The following PLCG2 variants were observed in gnomAD, a reference collection of about 807,000 sequenced individuals.
The protein encoded by PLCG2 is phospholipase C gamma 2.
Under a neutral mutation model 175.6 loss-of-function variants are expected in PLCG2, and 69 were observed. That is an observed-to-expected ratio of 0.39 (90% CI 0.32 to 0.48). PLCG2 has a LOEUF of 0.48. Ranked by LOEUF, PLCG2 falls within the 20% of genes least tolerant of loss-of-function variation. PLCG2 has a pLI of 0.91. For missense variants in PLCG2, 1,798 were observed against 1,650.9 expected (o/e 1.09, Z -1.54); for synonymous variants, 827 against 624.0 (o/e 1.33, Z -4.85).
At chr16:81,889,938 A>G (rs1324257894) in intron 10 of PLCG2, among the ~76,000 whole-genome samples, 1 of 151,982 alleles carries the variant, frequency 6.6e-6, no homozygotes. Context: ...TATAGGTGTG[A>G]GCCACCGCAC....
intron 25 of PLCG2, among the ~76,000 whole-genome samples, chr16:81,931,959 T>C (rs1330812292): frequency 6.6e-6 from 1 of 152,228 alleles, no homozygotes; most frequent in African/African-American, 2.4e-5. Flanking sequence ...AGGAAGTTAC[T>C]GCCTTCCTCA....
upstream of PLCG2, among the ~76,000 whole-genome samples, chr16:81,778,526 G>C (rs971274235): frequency 6.6e-6 from 1 of 152,146 alleles, no homozygotes; most frequent in African/African-American, 2.4e-5. Flanking sequence ...TGCAACACAC[G>C]AACGGAAAAA....
intron 2 of PLCG2, among the ~76,000 whole-genome samples, chr16:81,769,812 T>C (rs1910236708): frequency 1.1e-5 from 1 of 93,112 alleles, no homozygotes; most frequent in African/African-American, 4.6e-5. Flanking sequence ...AGAGCGAGAC[T>C]CCGTCTCAAA....
At chr16:81,893,826 T>C (rs765787186) in intron 12 of PLCG2, 32 bp downstream of exon 12, 1 of 1,393,726 alleles carries the variant, frequency 7.2e-7, no homozygotes, top group Non-Finnish European at 1.0e-6. Context: ...GAGGTCAGGC[T>C]CGCAGCAAAT....
chr16:81,812,166 C>A (rs1453004052), intron 2 of PLCG2, among the ~76,000 whole-genome samples: 2 of 149,998 alleles, frequency 1.3e-5, no homozygotes, highest in Non-Finnish European at 3.0e-5. Flanking sequence ...TCTCCTGTCT[C>A]AGCCTCCTGA....
intron 2 of PLCG2, among the ~76,000 whole-genome samples, chr16:81,824,205 C>T (rs1221996138): frequency 6.6e-6 from 1 of 151,316 alleles, no homozygotes; most frequent in African/African-American, 2.4e-5. Flanking sequence ...GTGATCTCAG[C>T]TCACCGCAAC....
intron 31 of PLCG2, among the ~76,000 whole-genome samples, chr16:81,947,588 A>C (rs540382411): frequency 6.6e-6 from 1 of 152,354 alleles, no homozygotes; most frequent in Non-Finnish European, 1.5e-5. Flanking sequence ...TTTTCTGAGC[A>C]AATGATTGAT....
intron 2 of PLCG2, among the ~76,000 whole-genome samples, chr16:81,802,120 T>C (rs1262785463): frequency 1.1e-5 from 1 of 94,322 alleles, no homozygotes; most frequent in East Asian, 2.7e-4. Flanking sequence ...TTTTTTTTTT[T>C]TTTTTTTTTT....
At chr16:81,752,235 A>G (rs1255131753) in intron 1 of PLCG2, among the ~76,000 whole-genome samples, 2 of 151,960 alleles carry the variant, frequency 1.3e-5, no homozygotes, top group African/African-American at 4.8e-5. Context: ...GGCCCTCACA[A>G]TTCTAGGGTG....
chr16:81,801,799 G>C (rs1431102315), intron 2 of PLCG2, among the ~76,000 whole-genome samples: 7 of 151,896 alleles, frequency 4.6e-5, no homozygotes, highest in African/African-American at 7.3e-5. Flanking sequence ...TCTTGCTTCA[G>C]CTTCCCCAGT....
rs537089834 is a variant in PLCG2, at chr16:81,740,931, T to C, written c.-145+1546T>C. On this transcript the variant is annotated intron_variant, in intron 1 of 5. Transcript: ENST00000565054. ...CTTGCCTGCCAGGCAGAATCCTCCC[T>C]GGAATTCCCACAGATGTGAGACAGT... 1.2e-4 allele frequency among the ~76,000 whole-genome samples: 18 copies of C among 152,294 alleles called. No individual in the cohort carries two copies. In the Middle Eastern group the frequency reaches 0.017, roughly 144 times the overall value.
Position 81,780,954 on chromosome 16 carries a change from G to A in PLCG2, c.-48+1530G>A, listed in dbSNP as rs529804833. 2.6e-5 allele frequency among the ~76,000 whole-genome samples: 4 copies of A among 152,308 alleles called. No homozygotes were observed. In the South Asian group the frequency reaches 6.2e-4, roughly 24 times the overall value. On this transcript the variant is annotated intron_variant, in intron 1 of 32. Coordinates refer to ENST00000564138, the MANE Select transcript of PLCG2 (RefSeq NM_002661.5). ...AGGCAGGAGAATCACTTGAACCCAGGAGGTGGAGGTTGCAGTGAACCCAGA... is the reference window on the plus strand; with the variant it reads ...AGGCAGGAGAATCACTTGAACCCAGAAGGTGGAGGTTGCAGTGAACCCAGA...
At chr16:81,889,504 A>G in intron 10 of PLCG2, 1 of 420,856 alleles carries the variant, frequency 2.4e-6, no homozygotes, top group Non-Finnish European at 4.3e-6. Flanking sequence ...CTGCCTAGAC[A>G]GAACCGATTG....
intron 2 of PLCG2, among the ~76,000 whole-genome samples, chr16:81,832,953 G>T (rs1452763738): frequency 6.6e-6 from 1 of 152,250 alleles, no homozygotes; most frequent in Admixed American, 6.5e-5. Flanking sequence ...TGTGTGCCCA[G>T]CTTGCTGCTG....
At chr16:81,812,972 A>G (rs936578568) in intron 2 of PLCG2, among the ~76,000 whole-genome samples, 2 of 152,192 alleles carry the variant, frequency 1.3e-5, no homozygotes, top group African/African-American at 4.8e-5. Context: ...TTTGTCAAAG[A>G]TCAGATGGTG....
chr16:81,861,199 T>A (rs1368585282), intron 5 of PLCG2, among the ~76,000 whole-genome samples: 1 of 152,214 alleles, frequency 6.6e-6, no homozygotes, highest in Admixed American at 6.5e-5. Flanking sequence ...CTTTCATTCA[T>A]TCTTGATTTA....
At chr16:81,858,185 C>T in intron 3 of PLCG2, 78 bp from the exon 4 acceptor site, 1 of 985,898 alleles carries the variant, frequency 1.0e-6, no homozygotes, top group Non-Finnish European at 1.6e-6. Flanking sequence ...TCTTCGTGAT[C>T]TGTATGGGGC....
At chr16:81,831,462 T>C (rs1905255525) in intron 2 of PLCG2, among the ~76,000 whole-genome samples, 1 of 152,198 alleles carries the variant, frequency 6.6e-6, no homozygotes, top group Non-Finnish European at 1.5e-5. Flanking sequence ...TCTCCTTAAA[T>C]CCTCATGTCA....
At chr16:81,831,955 C>T (rs1186595290) in intron 2 of PLCG2, among the ~76,000 whole-genome samples, 3 of 152,198 alleles carry the variant, frequency 2.0e-5, no homozygotes, top group African/African-American at 4.8e-5. Flanking sequence ...AGGGGTGACT[C>T]CTCTTGCCCT....
Sources: gnomAD v4.1 joint callset for allele counts (sites outside exome capture counted in the v4.1 genomes callset) on GRCh38, gnomAD v4.1.1 for gene constraint, MANE v1.5 for transcripts, NCBI Gene and HGNC (gene_info 2026-07-23, HGNC 2026-07-21) for gene names.